The following ESPN variants were observed in gnomAD, a reference collection of about 807,000 sequenced individuals.
The protein encoded by ESPN is espin, also known as autosomal recessive deafness type 36 protein.
Under a neutral mutation model 77.7 loss-of-function variants are expected in ESPN, and 68 were observed. That is an observed-to-expected ratio of 0.87 (90% confidence interval 0.72 to 1.07). The LOEUF is 1.07. Among genes scored for constraint, ESPN ranks in the 50% least tolerant of loss-of-function variants. The pLI, the probability that ESPN is intolerant of heterozygous loss-of-function variation, is 0.00. For synonymous variants in ESPN, 449 were observed against 567.1 expected, an observed-to-expected ratio of 0.79 and a Z score of 2.96; for missense variants, 1,060 against 1,239.0, an observed-to-expected ratio of 0.86 and a Z score of 2.17.
chr1:6,429,157 G>C (rs1256420898), intron 2 of ESPN, among the ~76,000 whole-genome samples: 2 of 151,932 alleles, frequency 1.3e-5, no homozygotes, highest in East Asian at 1.9e-4. Flanking sequence ...AGGGATCCTG[G>C]GGAAAGCTGC....
intron 1 of ESPN, among the ~76,000 whole-genome samples, chr1:6,426,486 T>G (rs945598013): frequency 3.6e-5 from 5 of 137,672 alleles, no homozygotes; most frequent in Admixed American, 7.1e-5. Context: ...GGAGAAAGTG[T>G]GGGGGGGATG....
intron 1 of ESPN, among the ~76,000 whole-genome samples, chr1:6,425,531 C>G (rs1436258244): frequency 6.6e-6 from 1 of 152,210 alleles, no homozygotes; most frequent in Admixed American, 6.5e-5. Context: ...CTAGTGTGTA[C>G]CGGGAGAAGC....
rs1184009343 is a variant in ESPN at position 6,447,529 on chromosome 1, C to T, written c.1465-1112C>T. The T allele has an allele frequency of 6.6e-6, 1 of 152,308 alleles. No homozygotes were observed. Among genetic ancestry groups the T allele is most frequent in the East Asian group, 1.9e-4 (1 of 5,176 alleles). 9.4% of individuals were successfully genotyped at this position (152,308 alleles called of 1,614,324 possible). The stretch of plus-strand genomic sequence containing the variant: ...GCTGGAGAGTGGGGCAGAGGACAGC[C>T]CCCACCCGGTCACTCAGTCTTTGGC... On this transcript the variant is annotated intron_variant, in intron 7 of 12. Transcript: ENST00000645284. The surrounding 1 kb of genome is among the most constrained non-coding windows in gnomAD (Gnocchi z 5.2).
chr1:6,440,514 G>T (rs1285365686), intron 3 of ESPN, 74 bp downstream of exon 3: 2 of 1,163,212 alleles, frequency 1.7e-6, no homozygotes, highest in Admixed American at 3.1e-5. Context: ...AGGGAGCGGG[G>T]CCATCAGGGG....
In ESPN at chr1:6,440,109, C is replaced by T; in HGVS notation, c.489-145C>T. 3.4e-6 allele frequency: 3 copies of T among 875,188 alleles called. No individual in the cohort carries two copies. The South Asian group carries it at 4.4e-5, about 13-fold the overall frequency. The allele number at this position is 875,188 out of a possible 1,614,324, so 54.2% of individuals were successfully genotyped here. A position where few individuals can be genotyped will look rare whatever the true frequency, so the allele number is the denominator to read the frequency against. On this transcript the variant is annotated intron_variant, in intron 2 of 12. Transcript: ENST00000645284. ...AGGACTCAGTCCAGGGGGAGCCCCC[C>T]GGGCAGCAGCGGGCCGGTGACAGGG...
At chr1:6,454,895 C>T (rs1456352634) in intron 10 of ESPN, 1 of 388,634 alleles carries the variant, frequency 2.6e-6, no homozygotes, top group Non-Finnish European at 4.6e-6. Flanking sequence ...GTCGCTCGCA[C>T]TCGCTCAGCT....
At chr1:6,431,658 C>T (rs915357584) in intron 2 of ESPN, among the ~76,000 whole-genome samples, 5 of 126,706 alleles carry the variant, frequency 3.9e-5, no homozygotes, top group East Asian at 2.3e-4. Flanking sequence ...AAAAAAGGAA[C>T]GAACGAAAGA....
chr1:6,460,303 A>G lies in ESPN; in HGVS notation c.*157A>G. 1.1e-6 allele frequency: 1 copy of G among 950,070 alleles called. No individual in the cohort carries two copies. Among genetic ancestry groups the G allele is most frequent in the South Asian group, 1.8e-5 (1 of 56,590 alleles). The allele number at this position is 950,070 out of a possible 1,614,324, so 58.9% of individuals were successfully genotyped here. ...CCCCACCCTGGCCCCCCGTATCCCC[A>G]GCCCTTGGCAACACTGGAGTGCACA... On this transcript the variant is annotated 3_prime_UTR_variant, in exon 13 of 13. Coordinates refer to ENST00000645284, the MANE Select transcript of ESPN (RefSeq NM_031475.3).
chr1:6,441,289 G>A (rs1279527847), intron 5 of ESPN, among the ~76,000 whole-genome samples: 2 of 152,190 alleles, frequency 1.3e-5, no homozygotes, highest in Non-Finnish European at 2.9e-5. Flanking sequence ...GTCACCCCAA[G>A]GGGTAAGGCT....
chr1:6,455,806 G>T, intron 10 of ESPN: 2 of 398,836 alleles, frequency 5.0e-6, no homozygotes, highest in Middle Eastern at 6.2e-4. Context: ...GTGGAGGCCG[G>T]CCGGCGCGGC....
intron 10 of ESPN, chr1:6,455,122 G>GC (rs1310385955): frequency 1.0e-5 from 4 of 386,990 alleles, no homozygotes; most frequent in African/African-American, 8.3e-5. Flanking sequence ...GCCGCCCACG[G>GC]CCCGCTGGTC....
chr1:6,446,422 T>G (rs755359515), intron 7 of ESPN, among the ~76,000 whole-genome samples: 30 of 152,246 alleles, frequency 2.0e-4, no homozygotes, highest in Non-Finnish European at 3.7e-4. Flanking sequence ...GAGCAGGCAC[T>G]AGCAGGGCTG....
At chr1:6,425,305 T>TGA in intron 1 of ESPN, 56 bp downstream of exon 1, 1 of 1,537,298 alleles carries the variant, frequency 6.5e-7, no homozygotes, top group Non-Finnish European at 8.7e-7. Context: ...GACAGAGTCC[T>TGA]GGCCCAGAGT....
At chr1:6,425,321 G>A (rs898000472) in intron 1 of ESPN, 72 bp downstream of exon 1, 140 of 1,513,112 alleles carry the variant, frequency 9.3e-5, no homozygotes, top group African/African-American at 8.9e-4. Context: ...AGAGTCCCCC[G>A]GGGCTCAAGG....
intron 6 of ESPN, among the ~76,000 whole-genome samples, chr1:6,445,373 GAGT>G (rs1643791939): frequency 1.3e-5 from 2 of 152,226 alleles, no homozygotes; most frequent in African/African-American, 4.8e-5. Flanking sequence ...TACTCCCAAG[GAGT>G]AGACCCTCCC....
intron 2 of ESPN, 44 bp from the exon 3 acceptor site, chr1:6,440,210 G>C (rs1344326862): frequency 1.3e-6 from 2 of 1,533,582 alleles, no homozygotes; most frequent in Non-Finnish European, 1.8e-6. Flanking sequence ...GCCTCGGAGG[G>C]GGTGAGGCGC....
At chr1:6,434,826 T>C (rs1643377055) in intron 2 of ESPN, among the ~76,000 whole-genome samples, 1 of 152,060 alleles carries the variant, frequency 6.6e-6, no homozygotes, top group African/African-American at 2.4e-5. Flanking sequence ...GGATGGTTCT[T>C]GAAATTGAGG....
Position 6,457,384 on chromosome 1 carries a change from G to A in ESPN, c.2417+12G>A. 6.2e-7 allele frequency: 1 copy of A among 1,614,188 alleles called. No homozygotes were observed. The highest frequency in any genetic ancestry group is 8.5e-7 in the Non-Finnish European group (1 of 1,180,018). ...AGGGAGCAGAAGCGGTGAGTGCAGG[G>A]CTGGCCCCAACCTGCCACCCTTATC... On this transcript the variant is annotated intron_variant, in intron 12 of 12. Coordinates refer to ENST00000645284, the MANE Select transcript of ESPN (RefSeq NM_031475.3).
At chr1:6,432,240 C>A (rs1377545014) in intron 2 of ESPN, among the ~76,000 whole-genome samples, 2 of 152,232 alleles carry the variant, frequency 1.3e-5, no homozygotes, top group Non-Finnish European at 2.9e-5. Context: ...AACTCTCCCC[C>A]TTAGAAGGCT....
Sources: gnomAD v4.1 joint callset for allele counts (sites outside exome capture counted in the v4.1 genomes callset) on GRCh38, gnomAD v4.1.1 for gene constraint, Gnocchi (gnomAD v3.1) non-coding constraint, MANE v1.5 for transcripts, NCBI Gene and HGNC (gene_info 2026-07-23, HGNC 2026-07-21) for gene names.